Variants in BCCIP observed in about 807,000 individuals in gnomAD.
BCCIP encodes the protein BRCA2 and CDKN1A interacting protein.
BCCIP carries 23 observed loss-of-function variants against 32.8 expected under a neutral mutation model. The ratio of observed to expected loss-of-function variants is 0.70; its 90% confidence interval spans 0.51 to 0.99. BCCIP has a LOEUF of 0.99. BCCIP is among the 50% of genes least tolerant of loss of function. BCCIP has a pLI of 0.00. For missense variants in BCCIP, 378 were observed against 379.8 expected (o/e 1.00, Z 0.04); for synonymous variants, 144 against 137.6 (o/e 1.05, Z -0.33).
intron 7 of BCCIP, among the ~76,000 whole-genome samples, chr10:125,850,354 C>CTTTTTTTTTTTTT (rs765077777): frequency 8.8e-5 from 11 of 124,538 alleles, no homozygotes; most frequent in African/African-American, 1.2e-4. Flanking sequence ...TTCTTTCTTT[C>CTTTTTTTTTTTTT]TTTTTTTTTT....
At position 125,830,548 on chromosome 10, in the gene BCCIP, T is replaced by G. The variant is rs947668197; in HGVS notation, c.322-14T>G. On this transcript the variant is annotated splice_polypyrimidine_tract_variant and intron_variant, in intron 3 of 6. Transcript: ENST00000278100. ...ACTAAATATAACATTTAAATATTTT[T>G]TCTTTTAAAATAGCAAACGGATGTT... The G allele has an allele frequency of 1.3e-6, 2 of 1,532,698 alleles. No individual in the cohort carries two copies. Among genetic ancestry groups the G allele is most frequent in the Non-Finnish European group, 8.9e-7 (1 of 1,119,368 alleles). The allele number at this position is 1,532,698 out of a possible 1,614,324, so 94.9% of individuals were successfully genotyped here. A position where few individuals can be genotyped will look rare whatever the true frequency, so the allele number is the denominator to read the frequency against.
downstream of BCCIP, chr10:125,839,095 T>A: frequency 6.2e-7 from 1 of 1,614,234 alleles, no homozygotes; most frequent in Non-Finnish European, 8.5e-7. Flanking sequence ...CTCGATTCGC[T>A]TGATAATTTC....
At chr10:125,828,130 C>T (rs543674323) in intron 3 of BCCIP, among the ~76,000 whole-genome samples, 214 of 152,082 alleles carry the variant, frequency 1.4e-3, no homozygotes, top group Middle Eastern at 3.4e-3. Context: ...GAAGTGGGCT[C>T]ATTTAGAAAA....
At chr10:125,833,729 C>A in intron 5 of BCCIP, 43 bp from the exon 6 acceptor site, 1 of 1,606,126 alleles carries the variant, frequency 6.2e-7, no homozygotes, top group Non-Finnish European at 8.5e-7. Context: ...ATGGATTTCA[C>A]TTGACCCAGC....
At chr10:125,843,242 A>C (rs1176061372), downstream of BCCIP, among the ~76,000 whole-genome samples, 1 of 152,102 alleles carries the variant, frequency 6.6e-6, no homozygotes, top group Non-Finnish European at 1.5e-5. Flanking sequence ...GAAGCGCTTG[A>C]ACCTGTCTGC....
chr10:125,826,424 A>G, intron 1 of BCCIP, 167 bp from the exon 2 acceptor site: 1 of 1,012,772 alleles, frequency 9.9e-7, no homozygotes, highest in Non-Finnish European at 1.4e-6. Context: ...CATTTAAACT[A>G]GGTTACTCTG....
chr10:125,841,754 G>C (rs763285087), exon 7 of BCCIP: 1 of 1,609,302 alleles, frequency 6.2e-7, no homozygotes, highest in South Asian at 1.1e-5. Context: ...TGTTACCATG[G>C]CTGCGATTGT....
downstream of BCCIP, among the ~76,000 whole-genome samples, chr10:125,846,876 A>G (rs1944028079): frequency 6.6e-6 from 1 of 152,222 alleles, no homozygotes; most frequent in Non-Finnish European, 1.5e-5. Context: ...CTTAGGGCAG[A>G]GAGCAGCTAA....
intron 1 of BCCIP, among the ~76,000 whole-genome samples, chr10:125,824,408 AC>A (rs1271119569): frequency 6.6e-6 from 1 of 152,214 alleles, no homozygotes; most frequent in Admixed American, 6.5e-5. Flanking sequence ...TTAAATAGAT[AC>A]CTCAGCCTTA....
rs909128683 is a variant in BCCIP, at chr10:125,836,408, C to G, written c.*134C>G. 6.7e-7 allele frequency: 1 copy of G among 1,482,032 alleles called. No individual in the cohort carries two copies. The highest frequency in any genetic ancestry group is 8.9e-7 in the Non-Finnish European group (1 of 1,121,378). The allele number at this position is 1,482,032 out of a possible 1,614,324, so 91.8% of individuals were successfully genotyped here. A position where few individuals can be genotyped will look rare whatever the true frequency, so the allele number is the denominator to read the frequency against. ...AAGTAGGGTTCTGTCCCATGTGTCT[C>G]TGACACATTTACAAAATACCAGTTT... On this transcript the variant is annotated 3_prime_UTR_variant, in exon 7 of 7. Transcript: ENST00000278100.
At chr10:125,835,161 C>T (rs1396973897) in intron 6 of BCCIP, among the ~76,000 whole-genome samples, 2 of 151,672 alleles carry the variant, frequency 1.3e-5, no homozygotes, top group Non-Finnish European at 2.9e-5. Flanking sequence ...AAGTGTATCT[C>T]TGAGGGGAAC....
intron 6 of BCCIP, among the ~76,000 whole-genome samples, chr10:125,834,888 T>G (rs537017211): frequency 1.3e-5 from 2 of 151,458 alleles, no homozygotes; most frequent in Non-Finnish European, 2.9e-5. Context: ...ATCCCAGCAC[T>G]TTGGGAGGTC....
chr10:125,828,026 G>A (rs1014800050), intron 3 of BCCIP, among the ~76,000 whole-genome samples: 1 of 148,470 alleles, frequency 6.7e-6, no homozygotes, highest in African/African-American at 2.5e-5. Flanking sequence ...ATTGGAAGCA[G>A]TATTACTGGA....
intron 3 of BCCIP, 38 bp from the exon 4 acceptor site, chr10:125,830,524 C>A (rs1257709267): frequency 7.4e-7 from 1 of 1,351,172 alleles, no homozygotes; most frequent in Non-Finnish European, 1.0e-6. Flanking sequence ...TGGTATTATA[C>A]TAAATATAAC....
At chr10:125,824,169 CTCT>C (rs1348424178) in intron 1 of BCCIP, among the ~76,000 whole-genome samples, 1 of 152,160 alleles carries the variant, frequency 6.6e-6, no homozygotes, top group Non-Finnish European at 1.5e-5. Context: ...TTTTCAAATG[CTCT>C]TCTTTATCCT....
chr10:125,839,102 T>TTTAG (rs1324621427), downstream of BCCIP: 4 of 1,614,080 alleles, frequency 2.5e-6, no homozygotes, highest in African/African-American at 5.3e-5. Context: ...CGCTTGATAA[T>TTTAG]TTCTAAGAGT....
intron 7 of BCCIP, chr10:125,852,281 G>T: frequency 6.2e-7 from 1 of 1,612,334 alleles, no homozygotes; most frequent in Non-Finnish European, 8.5e-7. Flanking sequence ...TGACATGGGA[G>T]CATAAGGCTA....
At chr10:125,850,483 A>G (rs1944076728) in intron 7 of BCCIP, among the ~76,000 whole-genome samples, 1 of 149,174 alleles carries the variant, frequency 6.7e-6, no homozygotes, top group Non-Finnish European at 1.5e-5. Context: ...TCAGCCTCCC[A>G]AGTAGCTGGG....
chr10:125,825,344 A>G (rs1185682369), intron 1 of BCCIP: 1 of 152,218 alleles, frequency 6.6e-6, no homozygotes, highest in Non-Finnish European at 1.5e-5. Context: ...TGTCTAGACA[A>G]AGAAAAAAAC....
Sources: allele counts gnomAD v4.1 joint callset (sites outside exome capture counted in the v4.1 genomes callset), GRCh38; gene constraint gnomAD v4.1.1; transcripts MANE v1.5; gene names NCBI Gene and HGNC (gene_info 2026-07-23, HGNC 2026-07-21).